The following NLK variants were observed in gnomAD, a reference collection of about 807,000 sequenced individuals.
The protein encoded by NLK is serine/threonine-protein kinase NLK.
NLK carries 11 observed loss-of-function variants against 59.0 expected under a neutral mutation model. The ratio of observed to expected loss-of-function variants is 0.19; its 90% CI spans 0.12 to 0.31. The LOEUF (loss-of-function observed/expected upper bound fraction) is 0.31. NLK is among the 10% of genes least tolerant of loss of function. The pLI is 1.00. For synonymous variants in NLK, 235 were observed against 235.9 expected (o/e 1.00, Z 0.03); for missense variants, 410 against 661.1 (o/e 0.62, Z 4.16).
chr17:28,082,436 A>G (rs1421908389), intron 1 of NLK, among the ~76,000 whole-genome samples: 1 of 152,216 alleles, frequency 6.6e-6, no homozygotes, highest in African/African-American at 2.4e-5. Flanking sequence ...CTTTGGCAAA[A>G]TGCATCTTTA....
chr17:28,079,663 GCCCA>G (rs1910278073), intron 1 of NLK, among the ~76,000 whole-genome samples: 1 of 151,986 alleles, frequency 6.6e-6, no homozygotes, highest in African/African-American at 2.4e-5. Context: ...CTTCTCTTTT[GCCCA>G]TTTTTAAAAT....
At chr17:28,140,084 G>A (rs979957421) in intron 3 of NLK, among the ~76,000 whole-genome samples, 3 of 152,154 alleles carry the variant, frequency 2.0e-5, no homozygotes, top group Non-Finnish European at 4.4e-5. Context: ...CAGATGGTGA[G>A]AGTAAGTATC....
At chr17:28,053,996 C>T (rs1017291545) in intron 1 of NLK, among the ~76,000 whole-genome samples, 2 of 152,178 alleles carry the variant, frequency 1.3e-5, no homozygotes, top group East Asian at 3.8e-4. Context: ...TTTTTCCCCA[C>T]TTTCTTCTCC....
intron 7 of NLK, among the ~76,000 whole-genome samples, chr17:28,177,895 T>C (rs2142062526): frequency 6.6e-6 from 1 of 152,358 alleles, no homozygotes; most frequent in South Asian, 2.1e-4. Context: ...GCCTGCATAC[T>C]ATATGGTAAC....
intron 1 of NLK, among the ~76,000 whole-genome samples, chr17:28,101,866 C>T (rs1047272355): frequency 2.0e-5 from 3 of 152,008 alleles, no homozygotes; most frequent in Non-Finnish European, 4.4e-5. Context: ...ATAAATTGTC[C>T]TTATATAGGT....
intron 3 of NLK, among the ~76,000 whole-genome samples, chr17:28,158,356 G>A (rs1296134576): frequency 6.6e-6 from 1 of 152,174 alleles, no homozygotes; most frequent in Non-Finnish European, 1.5e-5. Flanking sequence ...CACTTAACAC[G>A]AATGGAGCTT....
At position 28,194,600 on chromosome 17, in the gene NLK, A is replaced by T. The variant is rs1255740841; in HGVS notation, c.1548A>T (p.Pro516=). 1 of 1,599,062 alleles carries T rather than the reference A, an allele frequency of 6.3e-7. No homozygotes were observed. The highest frequency in any genetic ancestry group is 1.1e-5 in the South Asian group (1 of 89,594). Residue 516 remains proline, a synonymous_variant, in exon 11 of 11, where the codon CCA becomes CCT. Coordinates refer to ENST00000407008, the MANE Select transcript of NLK (RefSeq NM_016231.5). ...KSFISSTVAQ[P]SEMPPSPLVW... is the part of the protein sequence containing the mutation. ...CTTCCAGTTCCACTGTTGCTCAGCC[A>T]TCTGAGATGCCCCCATCTCCTCTGG...
intron 1 of NLK, among the ~76,000 whole-genome samples, chr17:28,121,933 G>GA (rs35262110): frequency 0.01 from 1,582 of 151,418 alleles, 31 homozygotes; most frequent in African/African-American, 0.037. Context: ...GGCAAAAAGA[G>GA]AAAAAAAAGG....
At chr17:28,110,674 C>T (rs1905426410) in intron 1 of NLK, among the ~76,000 whole-genome samples, 1 of 151,912 alleles carries the variant, frequency 6.6e-6, no homozygotes. Flanking sequence ...AGGTTTTGTT[C>T]ATTTTTTCAA....
rs112677957 is a variant in NLK at position 28,069,937 on chromosome 17, A to G, written c.458+26606A>G. ...TTATTAGTACATTTTTTGGTTCAGT[A>G]TAAGAAATCTTTGTCTAGCTGGGCA... is the stretch of plus-strand genomic sequence containing the variant. On this transcript the variant is annotated intron_variant, in intron 1 of 10. Transcript: ENST00000407008. 6.5e-3 allele frequency among the ~76,000 whole-genome samples: 994 copies of G among 152,268 alleles called. 17 individuals are homozygous for G. The highest frequency in any genetic ancestry group is 0.022 in the African/African-American group (926 of 41,540).
intron 4 of NLK, 144 bp from the exon 5 acceptor site, chr17:28,163,399 G>T: frequency 1.8e-6 from 1 of 563,566 alleles, no homozygotes; most frequent in Non-Finnish European, 3.1e-6. Flanking sequence ...TTTTGAGGTG[G>T]GACTAGCTTT....
intron 3 of NLK, among the ~76,000 whole-genome samples, chr17:28,135,427 G>C (rs1420025120): frequency 6.6e-6 from 1 of 152,126 alleles, no homozygotes; most frequent in African/African-American, 2.4e-5. Context: ...AAACTAATAT[G>C]GCGTAGCCCA....
At chr17:28,134,199 A>T (rs1013829250) in intron 3 of NLK, among the ~76,000 whole-genome samples, 3 of 152,118 alleles carry the variant, frequency 2.0e-5, no homozygotes, top group Admixed American at 6.5e-5. Context: ...GGAGTTGAAG[A>T]CCAGCCTGGG....
intron 1 of NLK, among the ~76,000 whole-genome samples, chr17:28,059,544 T>A (rs1909558391): frequency 6.6e-6 from 1 of 152,226 alleles, no homozygotes; most frequent in South Asian, 2.1e-4. Flanking sequence ...TTATCTAATA[T>A]ATCAAAACAT....
intron 8 of NLK, among the ~76,000 whole-genome samples, chr17:28,190,500 C>T (rs1445356934): frequency 6.6e-6 from 1 of 152,070 alleles, no homozygotes; most frequent in Non-Finnish European, 1.5e-5. Context: ...TCAGACTGAG[C>T]TATATCTCAA....
At chr17:28,153,595 C>G (rs1907577324) in intron 3 of NLK, among the ~76,000 whole-genome samples, 1 of 152,180 alleles carries the variant, frequency 6.6e-6, no homozygotes, top group Admixed American at 6.5e-5. Context: ...GCATTTCAAC[C>G]TATGAACTTT....
intron 1 of NLK, among the ~76,000 whole-genome samples, chr17:28,099,869 C>T (rs1401169626): frequency 1.3e-5 from 2 of 152,142 alleles, no homozygotes; most frequent in Non-Finnish European, 2.9e-5. Flanking sequence ...TGAGCCACCG[C>T]GCCCGGCCTT....
the NLK span, among the ~76,000 whole-genome samples, chr17:28,204,566 C>T: frequency 9.8e-5 from 15 of 152,294 alleles, no homozygotes; most frequent in African/African-American, 3.6e-4. Flanking sequence ...ATTCATTCAG[C>T]AAGTATTACT....
intron 8 of NLK, among the ~76,000 whole-genome samples, chr17:28,188,967 A>T (rs1335427446): frequency 6.8e-6 from 1 of 146,434 alleles, no homozygotes; most frequent in Non-Finnish European, 1.5e-5. Flanking sequence ...ATACACATAC[A>T]CAGACAAACA....
Sources: allele counts gnomAD v4.1 joint callset (sites outside exome capture counted in the v4.1 genomes callset), GRCh38; gene constraint gnomAD v4.1.1; transcripts MANE v1.5; gene names NCBI Gene and HGNC (gene_info 2026-07-23, HGNC 2026-07-21).